The following ESYT1 variants were observed in gnomAD, a reference collection of about 807,000 sequenced individuals.
ESYT1 encodes the protein extended synaptotagmin 1.
A neutral mutation model predicts 154.2 loss-of-function variants in ESYT1; 116 were observed. The observed-to-expected ratio is 0.75, with a 90% CI of 0.65 to 0.88. The LOEUF (loss-of-function observed/expected upper bound fraction) is 0.88. ESYT1 is among the 40% of genes least tolerant of loss of function. The pLI is 0.00. For missense variants in ESYT1, 1,264 were observed against 1,379.3 expected, an observed-to-expected ratio of 0.92 and a Z score of 1.32; for synonymous variants, 500 against 539.9, an observed-to-expected ratio of 0.93 and a Z score of 1.02.
At chr12:56,134,574 G>T in intron 15 of ESYT1, 146 bp downstream of exon 15, 1 of 696,456 alleles carries the variant, frequency 1.4e-6, no homozygotes. Context: ...TCTCTCCATT[G>T]TTCCCCAACT....
chr12:56,129,189 G>A (rs1326228571), intron 1 of ESYT1: 1 of 163,514 alleles, frequency 6.1e-6, no homozygotes, highest in African/African-American at 2.4e-5. Flanking sequence ...TTTTATCCCC[G>A]GGTACCCGCT....
At chr12:56,141,424 G>C (rs1202218524) in intron 24 of ESYT1, among the ~76,000 whole-genome samples, 1 of 152,246 alleles carries the variant, frequency 6.6e-6, no homozygotes, top group Non-Finnish European at 1.5e-5. Flanking sequence ...TTTTCTGTAT[G>C]CTGTAGGTAT....
rs143782220 is a variant in ESYT1, at chr12:56,141,697, G to A, written c.2593-588G>A. 6.5e-3 allele frequency among the ~76,000 whole-genome samples: 985 copies of A among 152,250 alleles called. 12 individuals carry two copies. Among genetic ancestry groups the A allele is most frequent in the African/African-American group, 0.023 (947 of 41,538 alleles). ...GGAGCTTGCAGTGAGCTGAGATTGC[G>A]CCACTGCACTCCAGCCTGGGCAACA... is the stretch of plus-strand genomic sequence containing the variant. On this transcript the variant is annotated intron_variant, in intron 24 of 30. Transcript: ENST00000394048.
intron 24 of ESYT1, among the ~76,000 whole-genome samples, chr12:56,139,985 C>T (rs1454147040): frequency 6.6e-6 from 1 of 151,672 alleles, no homozygotes; most frequent in Admixed American, 6.6e-5. Flanking sequence ...CTCTAGCAAT[C>T]CTCCTACCTC....
chr12:56,131,704 C>T, intron 6 of ESYT1, 45 bp from the exon 7 acceptor site: 1 of 1,610,340 alleles, frequency 6.2e-7, no homozygotes, highest in Admixed American at 1.7e-5. Flanking sequence ...ATGGGTATGA[C>T]CACACCCCAT....
chr12:56,133,332 G>C lies in ESYT1; in HGVS notation c.1245-85G>C, dbSNP rs776947248. 6.9e-6 allele frequency: 10 copies of C among 1,442,206 alleles called. No homozygotes were observed. The African/African-American group carries it at 9.8e-5, about 14-fold the overall frequency. 89.3% of individuals were successfully genotyped at this position (1,442,206 alleles called of 1,614,324 possible). A position where few individuals can be genotyped will look rare whatever the true frequency, so the allele number is the denominator to read the frequency against. On this transcript the variant is annotated intron_variant, in intron 10 of 30. Coordinates refer to ENST00000394048, the MANE Select transcript of ESYT1 (RefSeq NM_015292.3). ...GAGATCTGCCAGTCATTTCTGGGTG[G>C]GTGAGTGGAGGGCCACTGACATGCT...
At chr12:56,130,694 C>T (rs752962677) in intron 2 of ESYT1, 71 bp downstream of exon 2, 10 of 1,613,184 alleles carry the variant, frequency 6.2e-6, no homozygotes, top group Non-Finnish European at 8.5e-6. Flanking sequence ...CCAGACCCAT[C>T]CTCAACCCTC....
chr12:56,134,662 G>A (rs967094178), intron 15 of ESYT1, among the ~76,000 whole-genome samples: 18 of 151,192 alleles, frequency 1.2e-4, no homozygotes, highest in Admixed American at 8.6e-4. Context: ...GCAGTGGTGC[G>A]ATCTCGGCTT....
chr12:56,135,972 A>C (rs1176465424), intron 15 of ESYT1, among the ~76,000 whole-genome samples: 1 of 151,202 alleles, frequency 6.6e-6, no homozygotes, highest in Non-Finnish European at 1.5e-5. Context: ...GAGGCAGAAG[A>C]ATCATTTGAA....
chr12:56,143,716 A>G, intron 30 of ESYT1, 87 bp downstream of exon 30: 3 of 1,609,854 alleles, frequency 1.9e-6, no homozygotes, highest in East Asian at 2.2e-5. Flanking sequence ...ATACAATCTG[A>G]GCAGAGAACC....
intron 14 of ESYT1, 23 bp from the exon 15 acceptor site, chr12:56,134,319 T>G: frequency 6.2e-7 from 1 of 1,611,570 alleles, no homozygotes; most frequent in Non-Finnish European, 8.5e-7. Flanking sequence ...TATACACCCT[T>G]AATCCCTCCT....
intron 1 of ESYT1, 84 bp from the exon 2 acceptor site, chr12:56,130,498 C>T (rs948779331): frequency 2.6e-6 from 4 of 1,550,974 alleles, no homozygotes; most frequent in Middle Eastern, 2.3e-4. Context: ...TCCCTCTCCT[C>T]TGTGGCACAC....
intron 24 of ESYT1, among the ~76,000 whole-genome samples, chr12:56,141,486 A>G (rs888966562): frequency 6.6e-6 from 1 of 152,240 alleles, no homozygotes; most frequent in Non-Finnish European, 1.5e-5. Flanking sequence ...CACGCCTGTA[A>G]TCCCAGCACT....
chr12:56,130,366 C>T lies in ESYT1; in HGVS notation c.391-216C>T, dbSNP rs1482367521. 18 of 622,394 alleles carry T rather than the reference C, an allele frequency of 2.9e-5. No homozygotes were observed. The East Asian group carries it at 4.1e-4, about 14-fold the overall frequency. The allele number at this position is 622,394 out of a possible 1,614,324, so 38.6% of individuals were successfully genotyped here. On this transcript the variant is annotated intron_variant, in intron 1 of 30. Coordinates refer to ENST00000394048, the MANE Select transcript of ESYT1 (RefSeq NM_015292.3). ...CCCTGAGCTATCCACAGGGCAACAG[C>T]GTGACCTCTACCTTGTCAGCTCCCC...
Position 56,128,492 on chromosome 12 carries a change from TCGGGAGG to T in ESYT1, c.177_183del (p.Arg60CysfsTer4). The T allele has an allele frequency of 1.9e-6, 3 of 1,611,388 alleles. No individual in the cohort carries two copies. The highest frequency in any genetic ancestry group is 2.5e-6 in the Non-Finnish European group (3 of 1,178,786). On this transcript the variant is annotated frameshift_variant, in exon 1 of 31. Transcript: ENST00000394048. LOFTEE classifies it high-confidence loss of function. ...GAGGCCCTGGCGGTGCTGACTTCAT[TCGGGAGG>T]CGGTTGCTGGTGCTGATACCTGTGT... is the stretch of plus-strand genomic sequence containing the variant.
At chr12:56,137,025 C>T in intron 16 of ESYT1, 132 bp downstream of exon 16, 3 of 1,320,970 alleles carry the variant, frequency 2.3e-6, no homozygotes, top group Non-Finnish European at 3.1e-6. Context: ...GGCACAAAAA[C>T]ATATATTGAT....
At chr12:56,131,211 A>C in intron 4 of ESYT1, 33 bp from the exon 5 acceptor site, 1 of 1,613,646 alleles carries the variant, frequency 6.2e-7, no homozygotes, top group Non-Finnish European at 8.5e-7. Flanking sequence ...CCAAGGACTA[A>C]CTCTCTTGGT....
intron 5 of ESYT1, 78 bp downstream of exon 5, chr12:56,131,394 G>C: frequency 1.4e-5 from 23 of 1,610,486 alleles, no homozygotes; most frequent in Non-Finnish European, 1.9e-5. Context: ...TGTGAGGTTG[G>C]AAAGACCAAG....
Position 56,133,418 on chromosome 12 carries a change from A to C in ESYT1, c.1246A>C (p.Met416Leu), listed in dbSNP as rs1426637941. The change falls in exon 11 of 31, where the codon ATG becomes CTG. Residue 416 changes from methionine (M) to leucine (L), a missense_variant and splice_region_variant. Coordinates refer to ENST00000394048, the MANE Select transcript of ESYT1 (RefSeq NM_015292.3). ...ACCCTCTCCCCCGCCAACCCTCAGA[A>C]TGAAGCTGGATGTAGGGAAGGTGTT... ...DPDKDDFLGR[M>L]KLDVGKVLQA... 6.2e-7 allele frequency: 1 copy of C among 1,614,194 alleles called. No individual in the cohort carries two copies. The highest frequency in any genetic ancestry group is 1.7e-5 in the Admixed American group (1 of 60,018).
Sources: allele counts gnomAD v4.1 joint callset (sites outside exome capture counted in the v4.1 genomes callset), GRCh38; gene constraint gnomAD v4.1.1; transcripts MANE v1.5; gene names NCBI Gene and HGNC (gene_info 2026-07-23, HGNC 2026-07-21).